KDM3B: variants seen among roughly 807,000 people sequenced by gnomAD.
The protein encoded by KDM3B is lysine demethylase 3B.
In KDM3B, 10 loss-of-function variants were observed where a neutral mutation model predicts 170.0. That is an observed-to-expected ratio of 0.06 (90% CI 0.04 to 0.10). The LOEUF (loss-of-function observed/expected upper bound fraction) is 0.10. KDM3B is among the 10% of genes least tolerant of loss of function. The pLI is 1.00. For synonymous variants in KDM3B, 831 were observed against 834.8 expected (o/e 1.00, Z 0.08); for missense variants, 1,394 against 2,195.2 (o/e 0.64, Z 7.29).
chr5:138,430,110 T>A (rs1312580238), intron 21 of KDM3B, 139 bp from the exon 22 acceptor site: 4 of 1,363,808 alleles, frequency 2.9e-6, no homozygotes, highest in Non-Finnish European at 4.0e-6. Context: ...CCCAAAGGCT[T>A]GAATCCACAC....
intron 1 of KDM3B, among the ~76,000 whole-genome samples, chr5:138,356,376 C>T (rs1323474992): frequency 6.6e-6 from 1 of 152,136 alleles, no homozygotes; most frequent in Non-Finnish European, 1.5e-5. Flanking sequence ...TCTCTTTACC[C>T]TTGCCTTCAC....
At chr5:138,425,129 G>A (rs1763361895) in intron 16 of KDM3B, among the ~76,000 whole-genome samples, 1 of 152,186 alleles carries the variant, frequency 6.6e-6, no homozygotes. Flanking sequence ...TCTCAAAGTT[G>A]GACTTGTCAG....
chr5:138,380,435 T>C (rs1264820906), intron 5 of KDM3B, among the ~76,000 whole-genome samples: 1 of 151,152 alleles, frequency 6.6e-6, no homozygotes, highest in African/African-American at 2.4e-5. Context: ...AGTTATATAA[T>C]TTACCTTTTT....
At chr5:138,424,562 C>T (rs775181012) in intron 16 of KDM3B, among the ~76,000 whole-genome samples, 1 of 152,070 alleles carries the variant, frequency 6.6e-6, no homozygotes, top group Non-Finnish European at 1.5e-5. Context: ...CCAAGGCAGG[C>T]GCATCATCTG....
intron 7 of KDM3B, among the ~76,000 whole-genome samples, chr5:138,386,869 A>G (rs1205828090): frequency 6.6e-6 from 1 of 152,228 alleles, no homozygotes; most frequent in Non-Finnish European, 1.5e-5. Context: ...TAATTTAAAG[A>G]CATGTTAAAG....
intron 23 of KDM3B, among the ~76,000 whole-genome samples, chr5:138,434,716 C>G (rs1763630906): frequency 1.3e-5 from 2 of 152,062 alleles, no homozygotes; most frequent in African/African-American, 4.8e-5. Context: ...TGTTACTTAA[C>G]CCTACTAGAA....
At chr5:138,409,623 A>G (rs1580932657) in intron 11 of KDM3B, among the ~76,000 whole-genome samples, 2 of 152,210 alleles carry the variant, frequency 1.3e-5, no homozygotes, top group East Asian at 1.9e-4. Flanking sequence ...TGTGGATCCA[A>G]AGATTGAATA....
At chr5:138,360,883 C>T (rs1267694409) in intron 1 of KDM3B, among the ~76,000 whole-genome samples, 3 of 152,174 alleles carry the variant, frequency 2.0e-5, no homozygotes, top group East Asian at 1.9e-4. Context: ...TGAGCCACCA[C>T]GCCCGGCCAT....
At chr5:138,370,047 G>A (rs1761835851) in intron 1 of KDM3B, among the ~76,000 whole-genome samples, 1 of 152,170 alleles carries the variant, frequency 6.6e-6, no homozygotes, top group Admixed American at 6.5e-5. Flanking sequence ...TTAAATGTAA[G>A]TTTGAATATA....
intron 3 of KDM3B, among the ~76,000 whole-genome samples, chr5:138,375,818 A>G (rs965423324): frequency 2.6e-5 from 4 of 152,186 alleles, no homozygotes; most frequent in Admixed American, 1.3e-4. Context: ...CTGGGATTAC[A>G]GGCATGTGCC....
chr5:138,361,471 C>T (rs967901111), intron 1 of KDM3B, among the ~76,000 whole-genome samples: 3 of 151,964 alleles, frequency 2.0e-5, no homozygotes, highest in South Asian at 2.1e-4. Context: ...GGGAGGTATA[C>T]CTATCCAGAG....
intron 11 of KDM3B, among the ~76,000 whole-genome samples, chr5:138,404,521 G>A (rs942075992): frequency 5.9e-5 from 9 of 151,922 alleles, no homozygotes; most frequent in African/African-American, 2.2e-4. Flanking sequence ...CAGCTACTTG[G>A]GAGGCTGAGG....
chr5:138,388,023 G>T (rs912095196), intron 7 of KDM3B, among the ~76,000 whole-genome samples: 1 of 152,128 alleles, frequency 6.6e-6, no homozygotes, highest in African/African-American at 2.4e-5. Flanking sequence ...GGAGCTTGCA[G>T]TGAGCCGAGA....
intron 3 of KDM3B, among the ~76,000 whole-genome samples, chr5:138,377,339 T>G (rs1656412713): frequency 6.6e-6 from 1 of 152,264 alleles, no homozygotes; most frequent in Admixed American, 6.5e-5. Context: ...CTATTGTATG[T>G]AGAAAGATAC....
Position 138,430,308 on chromosome 5 carries a change from T to C in KDM3B, c.4953T>C (p.Ser1651=), listed in dbSNP as rs781252236. ...PPDHDPIHDQ[S]WYLDQTLRKR... ...ATCATGACCCAATTCATGACCAAAG[T>C]TGGTACCTGGACCAGACCCTCCGTA... The change falls in exon 22 of 24, where the codon AGT becomes AGC. Residue 1651 remains serine, a synonymous_variant. Coordinates refer to ENST00000314358, the MANE Select transcript of KDM3B (RefSeq NM_016604.4). The C allele has an allele frequency of 6.8e-6, 11 of 1,614,070 alleles. No individual in the cohort carries two copies. The highest frequency in any genetic ancestry group is 9.3e-6 in the Non-Finnish European group (11 of 1,180,036).
intron 1 of KDM3B, among the ~76,000 whole-genome samples, chr5:138,361,898 T>C (rs1056248266): frequency 6.6e-6 from 1 of 152,216 alleles, no homozygotes; most frequent in Non-Finnish European, 1.5e-5. Flanking sequence ...ATGTATAGCT[T>C]GTGAAGAAGT....
chr5:138,391,287 C>G lies in KDM3B; in HGVS notation c.1655C>G (p.Ser552Cys). The change falls in exon 8 of 24, where the codon TCT becomes TGT. Residue 552 changes from serine (S) to cysteine (C), a missense_variant. Physicochemically the swap from Ser to Cys is moderately radical, Grantham distance 112 (BLOSUM62 -1). Transcript: ENST00000314358. The surrounding 1 kb of genome is among the most constrained non-coding windows in gnomAD (Gnocchi z 5.0). ...TCAGAGAGTTTGGCTGATGATTCTT[C>G]TAGTCGGGACTCATTCAAACAAAGC... ...TVSESLADDSSSRDSFKQSLE... is the reference protein window; with the variant it reads ...TVSESLADDSCSRDSFKQSLE... 6.2e-7 allele frequency: 1 copy of G among 1,614,186 alleles called. No individual in the cohort carries two copies. Among genetic ancestry groups the G allele is most frequent in the East Asian group, 2.2e-5 (1 of 44,882 alleles).
rs770259044 is a variant in KDM3B, at chr5:138,427,327, G to A, written c.4633+8G>A. On this transcript the variant is annotated splice_region_variant and intron_variant, in intron 19 of 23. Transcript: ENST00000314358. ...AGATGTACAACGCCTATGGTATGAG[G>A]GAGAGGCTAAAATTGCTCTTTTGGG... is the stretch of plus-strand genomic sequence containing the variant. The A allele has an allele frequency of 6.2e-7, 1 of 1,603,232 alleles. No individual in the cohort carries two copies. Among genetic ancestry groups the A allele is most frequent in the South Asian group, 1.1e-5 (1 of 90,446 alleles).
chr5:138,353,832 A>G (rs940064021), intron 1 of KDM3B, among the ~76,000 whole-genome samples: 2 of 152,260 alleles, frequency 1.3e-5, no homozygotes, highest in Admixed American at 1.3e-4. Flanking sequence ...ATTCGGGATC[A>G]TGATGTGTTA....
Sources: gnomAD v4.1 joint callset for allele counts (sites outside exome capture counted in the v4.1 genomes callset) on GRCh38, gnomAD v4.1.1 for gene constraint, Gnocchi (gnomAD v3.1) non-coding constraint, MANE v1.5 for transcripts, NCBI Gene and HGNC (gene_info 2026-07-23, HGNC 2026-07-21) for gene names.